The following ELOVL6 variants were observed in gnomAD, a reference collection of about 807,000 sequenced individuals.
ELOVL6 encodes very long chain fatty acid elongase 6.
ELOVL6 carries 8 observed loss-of-function variants against 31.7 expected under a neutral mutation model. That is an observed-to-expected ratio of 0.25 (90% CI 0.15 to 0.45). The LOEUF (loss-of-function observed/expected upper bound fraction) is 0.45, where lower values mean the gene tolerates loss of function less well. ELOVL6 is among the 20% of genes least tolerant of loss of function. The probability of loss-of-function intolerance (pLI) is 1.00; values close to 1 mark genes in which losing one functional copy is unlikely to be tolerated. For missense variants in ELOVL6, 126 were observed against 326.4 expected (o/e 0.39, Z 4.73); for synonymous variants, 101 against 117.7 (o/e 0.86, Z 0.92).
chr4:110,109,740 C>T (rs1006346602), intron 1 of ELOVL6, among the ~76,000 whole-genome samples: 3 of 152,150 alleles, frequency 2.0e-5, no homozygotes, highest in South Asian at 2.1e-4. Context: ...TTAGCATTCA[C>T]GTCAAGATTT....
chr4:110,158,657 A>ATATATATATATTTTT, intron 1 of ELOVL6, among the ~76,000 whole-genome samples: 5 of 74,162 alleles, frequency 6.7e-5, no homozygotes, highest in Non-Finnish European at 1.2e-4. Flanking sequence ...ATATATATAT[A>ATATATATATATTTTT]TTTTTTTTTT....
chr4:110,132,644 T>C (rs962117044), intron 1 of ELOVL6, among the ~76,000 whole-genome samples: 2 of 151,846 alleles, frequency 1.3e-5, no homozygotes, highest in Non-Finnish European at 2.9e-5. Flanking sequence ...CTGGCCAACA[T>C]GGTGAAACCC....
At chr4:110,129,891 ATTTTTTT>A (rs371838858) in intron 1 of ELOVL6, among the ~76,000 whole-genome samples, 49 of 93,518 alleles carry the variant, frequency 5.2e-4, no homozygotes, top group Middle Eastern at 0.011. Context: ...ATCCAATCCA[ATTTTTTT>A]TTTTTTTTTT....
At chr4:110,074,415 G>A (rs1161953990) in intron 2 of ELOVL6, among the ~76,000 whole-genome samples, 2 of 152,188 alleles carry the variant, frequency 1.3e-5, no homozygotes, top group African/African-American at 4.8e-5. Flanking sequence ...TCAGCCAGGG[G>A]AGGGTCATGA....
intron 2 of ELOVL6, among the ~76,000 whole-genome samples, chr4:110,068,735 G>A (rs1301720515): frequency 6.6e-6 from 1 of 152,168 alleles, no homozygotes; most frequent in Non-Finnish European, 1.5e-5. Context: ...AACTGGAAAA[G>A]AGCACACTTG....
At chr4:110,093,107 T>A in intron 2 of ELOVL6, 1 of 452,274 alleles carries the variant, frequency 2.2e-6, no homozygotes, top group Non-Finnish European at 4.4e-6. Flanking sequence ...GAATCTTACA[T>A]GTCAGCTGTT....
intron 1 of ELOVL6, among the ~76,000 whole-genome samples, chr4:110,149,192 A>G (rs1424192474): frequency 6.6e-6 from 1 of 152,176 alleles, no homozygotes; most frequent in Non-Finnish European, 1.5e-5. Flanking sequence ...ATGCAAATCA[A>G]TTAGTACAAC....
At chr4:110,124,096 G>A (rs1016454217) in intron 1 of ELOVL6, among the ~76,000 whole-genome samples, 1 of 152,100 alleles carries the variant, frequency 6.6e-6, no homozygotes, top group Admixed American at 6.5e-5. Flanking sequence ...AATTAAAACA[G>A]GTTTAAAGTA....
intron 2 of ELOVL6, among the ~76,000 whole-genome samples, chr4:110,090,548 T>C (rs979578887): frequency 8.6e-5 from 13 of 150,712 alleles, no homozygotes; most frequent in South Asian, 2.1e-4. Flanking sequence ...CTCCTCCTCA[T>C]TAGGGCCACA....
intron 1 of ELOVL6, among the ~76,000 whole-genome samples, chr4:110,163,167 C>G (rs2126270013): frequency 6.6e-6 from 1 of 152,346 alleles, no homozygotes; most frequent in African/African-American, 2.4e-5. Context: ...AAGCCATACA[C>G]AGTTCACCTG....
intron 1 of ELOVL6, among the ~76,000 whole-genome samples, chr4:110,148,109 CAAA>C (rs1157605540): frequency 1.1e-4 from 6 of 54,932 alleles, no homozygotes; most frequent in Admixed American, 1.7e-4. Flanking sequence ...AACTCGGTCT[CAAA>C]AAAAAAAAAA....
At chr4:110,084,561 C>CAG (rs1560815790) in intron 2 of ELOVL6, among the ~76,000 whole-genome samples, 2 of 61,196 alleles carry the variant, frequency 3.3e-5, no homozygotes, top group African/African-American at 1.8e-4. Flanking sequence ...CACACACACA[C>CAG]AGATATATAT....
rs1018654615 is a variant in ELOVL6 at position 110,049,475 on chromosome 4, G to C, written c.*1863C>G. ...TTGCCATCTCTGACAGAAAAGCAGA[G>C]CAGCTCTGTTTCATGAACGACAGCA... On this transcript the variant is annotated 3_prime_UTR_variant, in exon 4 of 4. Coordinates refer to ENST00000302274, the MANE Select transcript of ELOVL6 (RefSeq NM_024090.3). The C allele has an allele frequency of 6.6e-6, 1 of 152,526 alleles. No individual in the cohort carries two copies. The highest frequency in any genetic ancestry group is 6.5e-5 in the Admixed American group (1 of 15,274). 9.4% of individuals were successfully genotyped at this position (152,526 alleles called of 1,614,324 possible). A position where few individuals can be genotyped will look rare whatever the true frequency, so the allele number is the denominator to read the frequency against.
At chr4:110,123,322 G>C (rs988721675) in intron 1 of ELOVL6, among the ~76,000 whole-genome samples, 2 of 152,084 alleles carry the variant, frequency 1.3e-5, no homozygotes, top group African/African-American at 4.8e-5. Context: ...TACAAATTAA[G>C]ATAGGTAGTT....
intron 3 of ELOVL6, among the ~76,000 whole-genome samples, chr4:110,053,280 G>A (rs1000121601): frequency 1.1e-4 from 16 of 152,058 alleles, no homozygotes; most frequent in African/African-American, 3.6e-4. Context: ...ACAAAACAAA[G>A]AAAAACTAGT....
intron 1 of ELOVL6, among the ~76,000 whole-genome samples, chr4:110,162,877 A>C (rs941046080): frequency 6.6e-6 from 1 of 152,180 alleles, no homozygotes; most frequent in African/African-American, 2.4e-5. Flanking sequence ...TTATTGGGAC[A>C]CTCATTGATG....
At chr4:110,152,051 A>G (rs989590121) in intron 1 of ELOVL6, among the ~76,000 whole-genome samples, 4 of 152,252 alleles carry the variant, frequency 2.6e-5, no homozygotes, top group Admixed American at 2.6e-4. Context: ...AGGGAGTTTA[A>G]TACAGAGTAA....
At chr4:110,055,304 G>C (rs776548298) in intron 3 of ELOVL6, among the ~76,000 whole-genome samples, 3 of 152,276 alleles carry the variant, frequency 2.0e-5, no homozygotes, top group African/African-American at 4.8e-5. Context: ...AACTATCAGA[G>C]GGACTGTGTA....
intron 1 of ELOVL6, among the ~76,000 whole-genome samples, chr4:110,127,297 G>A (rs1326624437): frequency 6.7e-6 from 1 of 149,426 alleles, no homozygotes; most frequent in Non-Finnish European, 1.5e-5. Flanking sequence ...AACCCAGCTA[G>A]GCAGGAAACT....
Sources: allele counts gnomAD v4.1 joint callset (sites outside exome capture counted in the v4.1 genomes callset), GRCh38; gene constraint gnomAD v4.1.1; transcripts MANE v1.5; gene names NCBI Gene and HGNC (gene_info 2026-07-23, HGNC 2026-07-21).